DNAJC10: variants seen among roughly 807,000 people sequenced by gnomAD.
The protein encoded by DNAJC10 is DnaJ heat shock protein family (Hsp40) member C10, also known as endoplasmic reticulum disulfide reductase DNAJC10.
In DNAJC10, 101 loss-of-function variants were observed where a neutral mutation model predicts 115.0. That is an observed-to-expected ratio of 0.88 (90% CI 0.75 to 1.04). The LOEUF (loss-of-function observed/expected upper bound fraction) is 1.04, where lower values mean the gene tolerates loss of function less well. Among genes scored for constraint, DNAJC10 ranks in the 50% least tolerant of loss-of-function variants. DNAJC10 has a pLI of 0.00. For missense variants in DNAJC10, 981 were observed against 928.8 expected, an observed-to-expected ratio of 1.06 and a Z score of -0.73; for synonymous variants, 307 against 301.5, an observed-to-expected ratio of 1.02 and a Z score of -0.19.
At chr2:182,760,679 CGAG>C (rs1694265585) in intron 21 of DNAJC10, among the ~76,000 whole-genome samples, 1 of 152,072 alleles carries the variant, frequency 6.6e-6, no homozygotes, top group Admixed American at 6.6e-5. Context: ...CTCCATAACT[CGAG>C]GAACTCTTGC....
chr2:182,718,865 G>C (rs987992948), intron 3 of DNAJC10, among the ~76,000 whole-genome samples: 4 of 151,968 alleles, frequency 2.6e-5, no homozygotes, highest in African/African-American at 9.7e-5. Context: ...AATTTTTATG[G>C]TGTTTTTGTA....
intron 11 of DNAJC10, chr2:182,739,691 C>CA (rs1452339210): frequency 1.9e-6 from 2 of 1,031,496 alleles, no homozygotes; most frequent in African/African-American, 3.4e-5. Flanking sequence ...GGGCCGAAAA[C>CA]AAGTTTAAGA....
At chr2:182,775,945 G>A (rs1033940418) in intron 23 of DNAJC10, among the ~76,000 whole-genome samples, 2 of 152,166 alleles carry the variant, frequency 1.3e-5, no homozygotes, top group Non-Finnish European at 2.9e-5. Context: ...TGGGGCCGAA[G>A]TGGAGTGGGA....
rs368539233 is a variant in DNAJC10, at chr2:182,771,414, C to G, written c.2266-3902C>G. 1.4e-4 allele frequency among the ~76,000 whole-genome samples: 21 copies of G among 152,286 alleles called. No homozygotes were observed. The East Asian group carries it at 1.9e-3, about 14-fold the overall frequency. On this transcript the variant is annotated intron_variant, in intron 22 of 23. Coordinates refer to ENST00000264065, the MANE Select transcript of DNAJC10 (RefSeq NM_018981.4). The stretch of plus-strand genomic sequence containing the variant: ...TTCAGCAGGAATGGTACCAGCTCCT[C>G]TTTGTAGCTCTGGTAGAATTCAGCT...
chr2:182,769,716 A>G (rs1386604156), intron 22 of DNAJC10, among the ~76,000 whole-genome samples: 3 of 152,046 alleles, frequency 2.0e-5, no homozygotes, highest in East Asian at 1.9e-4. Context: ...GATTCTGGAT[A>G]TTAGCCCTTT....
At chr2:182,768,153 T>G (rs1407374393) in intron 22 of DNAJC10, among the ~76,000 whole-genome samples, 1 of 151,950 alleles carries the variant, frequency 6.6e-6, no homozygotes, top group African/African-American at 2.4e-5. Context: ...TCAGTGAAGG[T>G]TTTTGATTTG....
chr2:182,756,385 C>G lies in DNAJC10; in HGVS notation c.1725C>G (p.His575Gln). The change falls in exon 18 of 24, where the codon CAC becomes CAG. Residue 575 changes from histidine (H) to glutamine (Q), a missense_variant. His to Gln is a conservative substitution (Grantham distance 24). Transcript: ENST00000264065. ...TFNELVTQRK[H>Q]NEVWMVDFYS... ...ACGAACTAGTTACACAAAGAAAACACAACGAAGTCTGGATGGTTGATTTCT... is the reference window on the plus strand; with the variant it reads ...ACGAACTAGTTACACAAAGAAAACAGAACGAAGTCTGGATGGTTGATTTCT... 6.2e-7 allele frequency: 1 copy of G among 1,614,014 alleles called. No individual in the cohort carries two copies. The highest frequency in any genetic ancestry group is 8.5e-7 in the Non-Finnish European group (1 of 1,179,886).
intron 13 of DNAJC10, 41 bp downstream of exon 13, chr2:182,741,397 T>C: frequency 9.6e-7 from 1 of 1,037,812 alleles, no homozygotes; most frequent in Non-Finnish European, 1.4e-6. Context: ...GCTGGTGTAC[T>C]TTGTTGTTAA....
chr2:182,741,049 T>C (rs1029965104), intron 12 of DNAJC10, among the ~76,000 whole-genome samples, 194 bp from the exon 13 acceptor site: 9 of 152,190 alleles, frequency 5.9e-5, no homozygotes, highest in Non-Finnish European at 1.0e-4. Flanking sequence ...CTAACCCTCC[T>C]GTAATATTTG....
chr2:182,744,743 GC>G (rs1693819441), intron 14 of DNAJC10, among the ~76,000 whole-genome samples: 1 of 152,044 alleles, frequency 6.6e-6, no homozygotes, highest in Non-Finnish European at 1.5e-5. Flanking sequence ...TAAGTAACTT[GC>G]CCTATGACAG....
chr2:182,793,123 G>A lies in DNAJC10; in HGVS notation c.*15991G>A, dbSNP rs1695081713. 1 of 152,396 alleles carries A rather than the reference G, an allele frequency of 6.6e-6. No individual in the cohort carries two copies. The highest frequency in any genetic ancestry group is 2.4e-5 in the African/African-American group (1 of 41,420). 9.4% of individuals were successfully genotyped at this position (152,396 alleles called of 1,614,324 possible). ...AAAATGTAGCCACTAAATGGGCTGA[G>A]GGTAGAGCATATGAACAGAGAGAAA... On this transcript the variant is annotated 3_prime_UTR_variant, in exon 24 of 24. Coordinates refer to ENST00000264065, the MANE Select transcript of DNAJC10 (RefSeq NM_018981.4).
At chr2:182,769,138 C>G (rs914113609) in intron 22 of DNAJC10, among the ~76,000 whole-genome samples, 1 of 152,124 alleles carries the variant, frequency 6.6e-6, no homozygotes, top group Non-Finnish European at 1.5e-5. Flanking sequence ...ATTCATGTCC[C>G]TGCAAAGGAC....
chr2:182,759,836 G>A (rs930397212), intron 21 of DNAJC10, among the ~76,000 whole-genome samples: 1 of 151,922 alleles, frequency 6.6e-6, no homozygotes, highest in Non-Finnish European at 1.5e-5. Context: ...CTCACAGTGG[G>A]CCCTCTGTAT....
intron 19 of DNAJC10, among the ~76,000 whole-genome samples, chr2:182,758,635 G>A (rs763141641): frequency 6.6e-6 from 1 of 152,086 alleles, no homozygotes; most frequent in Non-Finnish European, 1.5e-5. Flanking sequence ...GCTGTCTGGG[G>A]CACAAAGATA....
At position 182,720,060 on chromosome 2, in the gene DNAJC10, AC is replaced by A; in HGVS notation, c.259del (p.Leu87SerfsTer46). On this transcript the variant is annotated frameshift_variant, in exon 4 of 24. Coordinates refer to ENST00000264065, the MANE Select transcript of DNAJC10 (RefSeq NM_018981.4). LOFTEE classifies it high-confidence loss of function. ...TAAAAATAAATAGAGCATATGAAGT[AC>A]TCAAAGATGAAGATCTACGGAAAAA... The part of the protein sequence containing the change: ...FLKINRAYEV[L>X]KDEDLRKKYD... 2 of 1,601,860 alleles carry A rather than the reference AC, an allele frequency of 1.2e-6. No homozygotes were observed. The highest frequency in any genetic ancestry group is 4.5e-5 in the East Asian group (2 of 44,706).
At chr2:182,769,005 G>T (rs1220168276) in intron 22 of DNAJC10, among the ~76,000 whole-genome samples, 1 of 152,126 alleles carries the variant, frequency 6.6e-6, no homozygotes, top group African/African-American at 2.4e-5. Context: ...GCCCCAGTAT[G>T]TGATGTTCCC....
chr2:182,774,598 A>T (rs1295476666), intron 22 of DNAJC10, among the ~76,000 whole-genome samples: 1 of 152,144 alleles, frequency 6.6e-6, no homozygotes, highest in African/African-American at 2.4e-5. Flanking sequence ...TCACAGTTCA[A>T]TCTTAGACTG....
chr2:182,752,029 G>C, intron 15 of DNAJC10, 43 bp from the exon 16 acceptor site: 2 of 1,475,380 alleles, frequency 1.4e-6, no homozygotes, highest in South Asian at 1.2e-5. Flanking sequence ...GGGGTTTTTT[G>C]TGTCATTTGG....
At chr2:182,729,988 T>A in intron 8 of DNAJC10, 47 bp downstream of exon 8, 1 of 1,344,948 alleles carries the variant, frequency 7.4e-7, no homozygotes, top group Non-Finnish European at 1.1e-6. Context: ...TATTTTGAAA[T>A]CAGTATTTTG....
Sources: allele counts gnomAD v4.1 joint callset (sites outside exome capture counted in the v4.1 genomes callset), GRCh38; gene constraint gnomAD v4.1.1; transcripts MANE v1.5; gene names NCBI Gene and HGNC (gene_info 2026-07-23, HGNC 2026-07-21).